Variants in ABCA13 observed in about 807,000 individuals in gnomAD.
The protein encoded by ABCA13 is ATP binding cassette subfamily A member 13, also known as ATP-binding cassette sub-family A member 13.
In ABCA13, 476 loss-of-function variants were observed where a neutral mutation model predicts 478.7. That is an observed-to-expected ratio of 0.99 (90% CI 0.92 to 1.07). The LOEUF (loss-of-function observed/expected upper bound fraction) is 1.07, where lower values mean the gene tolerates loss of function less well. Among genes scored for constraint, ABCA13 ranks in the 50% least tolerant of loss-of-function variants. The pLI, the probability that ABCA13 is intolerant of heterozygous loss-of-function variation, is 0.00. For synonymous variants in ABCA13, 2,252 were observed against 2,158.9 expected, an observed-to-expected ratio of 1.04 and a Z score of -1.20; for missense variants, 6,060 against 5,910.6, an observed-to-expected ratio of 1.03 and a Z score of -0.83.
Position 48,374,337 on chromosome 7 carries a change from C to T in ABCA13, c.11134-10C>T, listed in dbSNP as rs756786710. The T allele has an allele frequency of 6.2e-7, 1 of 1,605,716 alleles. No individual in the cohort carries two copies. The highest frequency in any genetic ancestry group is 1.7e-5 in the Admixed American group (1 of 58,742). Reference sequence around the variant, plus strand: ...TAACGTGCAGTTTTTCTCCATCAATCTGTGGGCAGTGCCTTCTTTCGACAA... The same window carrying T: ...TAACGTGCAGTTTTTCTCCATCAATTTGTGGGCAGTGCCTTCTTTCGACAA... On this transcript the variant is annotated splice_polypyrimidine_tract_variant and intron_variant, in intron 33 of 61. Coordinates refer to ENST00000435803, the MANE Select transcript of ABCA13 (RefSeq NM_152701.5).
intron 58 of ABCA13, chr7:48,612,106 C>T (rs1792084325): frequency 6.6e-6 from 1 of 152,134 alleles, no homozygotes; most frequent in Admixed American, 6.5e-5. Context: ...GGGTTCTTTC[C>T]ACCGTGCCAC....
intron 29 of ABCA13, among the ~76,000 whole-genome samples, chr7:48,340,650 T>G (rs1425091499): frequency 6.6e-6 from 1 of 152,134 alleles, no homozygotes; most frequent in East Asian, 1.9e-4. Flanking sequence ...GTTACCTGAG[T>G]CTCCTGAGTT....
At position 48,410,870 on chromosome 7, in the gene ABCA13, G is replaced by A. The variant is rs370054454; in HGVS notation, c.12228+193G>A. Among the ~76,000 whole-genome samples the A allele has an allele frequency of 7.2e-4, 109 of 152,316 alleles. No homozygotes were observed. The East Asian group carries it at 0.012, about 16-fold the overall frequency. On this transcript the variant is annotated intron_variant, in intron 40 of 61. Coordinates refer to ENST00000435803, the MANE Select transcript of ABCA13 (RefSeq NM_152701.5). ...GGGAACCCAAGCATGCATTTTGACC[G>A]CCAGGAGAAAATACATGAGGAGTCA...
intron 57 of ABCA13, among the ~76,000 whole-genome samples, chr7:48,593,574 G>A (rs183940401): frequency 4.6e-5 from 7 of 152,078 alleles, no homozygotes; most frequent in African/African-American, 1.7e-4. Flanking sequence ...AAAGTATGCT[G>A]AATGTGGCTG....
chr7:48,271,791 T>G lies in ABCA13; in HGVS notation c.2125T>G (p.Leu709Val). ...ATAATTCTATTAATATTACAGGGCT[T>G]TAAATTTCACAAAGCACCTTCTAAT... ...KSPTASISRA[L>V]NFTKHLLMME... The change falls in exon 17 of 62, where the codon TTA becomes GTA. Residue 709 changes from leucine to valine, a missense_variant. By Grantham distance (32) the Leu-to-Val change is conservative. This residue lies in a region of ABCA13 where 4,423 missense variants were observed against 4,309.1 expected (regional missense o/e 1.03). Transcript: ENST00000435803. 6.7e-7 allele frequency: 1 copy of G among 1,483,742 alleles called. No homozygotes were observed. Among genetic ancestry groups the G allele is most frequent in the East Asian group, 2.5e-5 (1 of 40,320 alleles). The allele number at this position is 1,483,742 out of a possible 1,614,324, so 91.9% of individuals were successfully genotyped here. A position where few individuals can be genotyped will look rare whatever the true frequency, so the allele number is the denominator to read the frequency against.
At chr7:48,237,398 G>T (rs929255788) in intron 8 of ABCA13, among the ~76,000 whole-genome samples, 3 of 152,168 alleles carry the variant, frequency 2.0e-5, no homozygotes, top group Non-Finnish European at 2.9e-5. Context: ...ATTCATCTTA[G>T]GGAGGGACTA....
At chr7:48,473,964 C>T (rs1263399201) in intron 45 of ABCA13, among the ~76,000 whole-genome samples, 2 of 152,130 alleles carry the variant, frequency 1.3e-5, no homozygotes, top group African/African-American at 4.8e-5. Context: ...GGTTTTGGAA[C>T]TCTCCATGTT....
intron 42 of ABCA13, among the ~76,000 whole-genome samples, chr7:48,450,336 C>G (rs10256975): frequency 6.6e-6 from 1 of 151,942 alleles, no homozygotes; most frequent in Non-Finnish European, 1.5e-5. Context: ...AGTAATTTAT[C>G]GTTTACAAGA....
At chr7:48,375,049 G>A (rs943618748) in intron 34 of ABCA13, among the ~76,000 whole-genome samples, 14 of 152,170 alleles carry the variant, frequency 9.2e-5, no homozygotes, top group Non-Finnish European at 7.3e-5. Context: ...ATCACCCCCA[G>A]GTGGGACTGT....
chr7:48,602,606 A>C (rs1036166090), intron 58 of ABCA13, among the ~76,000 whole-genome samples: 1 of 152,178 alleles, frequency 6.6e-6, no homozygotes, highest in Non-Finnish European at 1.5e-5. Context: ...TACCAGTACC[A>C]TGCTGTTTCT....
intron 15 of ABCA13, among the ~76,000 whole-genome samples, chr7:48,260,050 A>C (rs890082324): frequency 6.6e-6 from 1 of 151,988 alleles, no homozygotes; most frequent in Non-Finnish European, 1.5e-5. Flanking sequence ...TCTTGGATTC[A>C]GTTTCAACTT....
At chr7:48,615,256 T>C in intron 58 of ABCA13, 29 bp from the exon 59 acceptor site, 2 of 1,414,040 alleles carry the variant, frequency 1.4e-6, no homozygotes, top group Admixed American at 2.4e-5. Flanking sequence ...AGGAAATGGC[T>C]CATTTTTGTC....
intron 48 of ABCA13, among the ~76,000 whole-genome samples, 168 bp from the exon 49 acceptor site, chr7:48,506,168 G>A (rs1831189176): frequency 6.6e-6 from 1 of 152,178 alleles, no homozygotes. Flanking sequence ...CATATTTGCT[G>A]AATTTCACAA....
In ABCA13 at chr7:48,276,549, G is replaced by C. The variant is rs941550745; in HGVS notation, c.6883G>C (p.Val2295Leu). The change falls in exon 17 of 62, where the codon GTT (valine) becomes CTT (leucine). Residue 2295 changes from valine (V) to leucine (L), a missense_variant. Transcript: ENST00000435803. Reference sequence around the variant, plus strand: ...TCTGCTGAAATATTTCCACAAAGATGTTATTGCAGAGATGAGGTGAGTATA... The same window carrying C: ...TCTGCTGAAATATTTCCACAAAGATCTTATTGCAGAGATGAGGTGAGTATA... ...SLLLKYFHKD[V>L]IAEMSFVPKD... 1 of 1,611,552 alleles carries C rather than the reference G, an allele frequency of 6.2e-7. No individual in the cohort carries two copies. Among genetic ancestry groups the C allele is most frequent in the Non-Finnish European group, 8.5e-7 (1 of 1,179,454 alleles).
intron 48 of ABCA13, 122 bp downstream of exon 48, chr7:48,489,466 C>G: frequency 1.3e-6 from 1 of 789,118 alleles, no homozygotes; most frequent in Non-Finnish European, 2.0e-6. Context: ...TTCTACTTGG[C>G]AACCAATCCG....
intron 55 of ABCA13, among the ~76,000 whole-genome samples, chr7:48,567,109 GTTC>G (rs775868599): frequency 6.6e-6 from 1 of 152,110 alleles, no homozygotes; most frequent in Non-Finnish European, 1.5e-5. Context: ...GGAAGTAAAG[GTTC>G]TTCATTTGTT....
chr7:48,221,071 C>A (rs537373772), intron 4 of ABCA13, among the ~76,000 whole-genome samples: 1 of 152,136 alleles, frequency 6.6e-6, no homozygotes, highest in South Asian at 2.1e-4. Context: ...AAATTTTTTC[C>A]ATGAATATAC....
chr7:48,352,269 C>T lies in ABCA13; in HGVS notation c.10470C>T (p.Thr3490=). ...LPPHVSYTIR[T]NVLYSVRTDV... is the part of the protein sequence containing the mutation. ...CCCATGTCTCATACACAATCCGGAC[C>T]AATGTGTTATACAGCGTGCGAACAG... Residue 3490 remains threonine, a synonymous_variant, in exon 31 of 62, where the codon ACC becomes ACT. Coordinates refer to ENST00000435803, the MANE Select transcript of ABCA13 (RefSeq NM_152701.5). 3.1e-6 allele frequency: 5 copies of T among 1,613,788 alleles called. No individual in the cohort carries two copies. The highest frequency in any genetic ancestry group is 4.2e-6 in the Non-Finnish European group (5 of 1,179,860).
rs1415511650 is a variant in ABCA13 at position 48,273,217 on chromosome 7, A to G, written c.3551A>G (p.Asp1184Gly). 1.2e-6 allele frequency: 2 copies of G among 1,613,652 alleles called. No individual in the cohort carries two copies. The highest frequency in any genetic ancestry group is 2.2e-5 in the East Asian group (1 of 44,858). ...CATCATGGTTTCACTCAGCTTTTGG[A>G]TGAATTGGAAGATGATGTGAAAGTC... ...SLHHGFTQLL[D>G]ELEDDVKVSK... The change falls in exon 17 of 62, where the codon GAT (aspartate) becomes GGT (glycine). Residue 1184 changes from aspartate (D) to glycine (G), a missense_variant. Physicochemically the swap from Asp to Gly is moderately conservative, Grantham distance 94. Coordinates refer to ENST00000435803, the MANE Select transcript of ABCA13 (RefSeq NM_152701.5).
Sources: gnomAD v4.1 joint callset for allele counts (sites outside exome capture counted in the v4.1 genomes callset) on GRCh38, gnomAD v4.1.1 for gene constraint, gnomAD v4.1.1 regional missense constraint, MANE v1.5 for transcripts, NCBI Gene and HGNC (gene_info 2026-07-23, HGNC 2026-07-21) for gene names.